Variants in DAB2IP observed in about 807,000 individuals in gnomAD.
DAB2IP encodes DAB2 interacting protein.
DAB2IP carries 28 observed loss-of-function variants against 107.2 expected under a neutral mutation model. The observed-to-expected ratio is 0.26, with a 90% confidence interval of 0.19 to 0.36. The LOEUF is 0.36. Among genes scored for constraint, DAB2IP ranks in the 10% least tolerant of loss-of-function variants. The probability of loss-of-function intolerance (pLI) is 1.00; values close to 1 mark genes in which losing one functional copy is unlikely to be tolerated. For missense variants in DAB2IP, 1,400 were observed against 1,644.7 expected, an observed-to-expected ratio of 0.85 and a Z score of 2.57; for synonymous variants, 755 against 706.4, an observed-to-expected ratio of 1.07 and a Z score of -1.09.
intron 1 of DAB2IP, among the ~76,000 whole-genome samples, chr9:121,636,690 C>T (rs1440050684): frequency 6.6e-6 from 1 of 152,170 alleles, no homozygotes. Flanking sequence ...TGTCTTCTGC[C>T]CAGATCCCCA....
At chr9:121,568,953 T>C (rs915473943) in intron 1 of DAB2IP, among the ~76,000 whole-genome samples, 2 of 152,176 alleles carry the variant, frequency 1.3e-5, no homozygotes, top group African/African-American at 4.8e-5. Flanking sequence ...GGCCGGTTGC[T>C]GATCTCCTGG....
chr9:121,660,506 C>T (rs888603518), intron 1 of DAB2IP, among the ~76,000 whole-genome samples: 21 of 152,034 alleles, frequency 1.4e-4, no homozygotes, highest in African/African-American at 4.8e-4. Context: ...TGAAGGAGGC[C>T]GGCAGGTGCA....
intron 3 of DAB2IP, among the ~76,000 whole-genome samples, chr9:121,739,633 A>G (rs1217163117): frequency 6.6e-6 from 1 of 152,102 alleles, no homozygotes. Flanking sequence ...GGCCAGGGAA[A>G]GGAAGGGCTC....
chr9:121,605,336 C>T (rs1397611928), intron 1 of DAB2IP, among the ~76,000 whole-genome samples: 1 of 152,038 alleles, frequency 6.6e-6, no homozygotes, highest in Admixed American at 6.6e-5. Context: ...TTGGATTGTT[C>T]TTGATCTGCT....
At chr9:121,600,925 C>T (rs75223893) in intron 1 of DAB2IP, among the ~76,000 whole-genome samples, 1 of 152,196 alleles carries the variant, frequency 6.6e-6, no homozygotes, top group African/African-American at 2.4e-5. Context: ...AGCCTGTGCC[C>T]TCTTGCTGTC....
rs749474202 is a variant in DAB2IP at position 121,774,246 on chromosome 9, G to A, written c.2968-14G>A. ...CACCTCCCTGCAGCCCCTCACAGCT[G>A]TGTTTCATTGTAGGGCCCTTCACCT... On this transcript the variant is annotated splice_polypyrimidine_tract_variant and intron_variant, in intron 12 of 15. Transcript: ENST00000408936. The A allele has an allele frequency of 1.3e-6, 2 of 1,599,852 alleles. No homozygotes were observed. Among genetic ancestry groups the A allele is most frequent in the South Asian group, 2.2e-5 (2 of 89,084 alleles).
In DAB2IP at chr9:121,776,507, G is replaced by T; in HGVS notation, c.3314+116G>T. On this transcript the variant is annotated intron_variant, in intron 14 of 15. Coordinates refer to ENST00000408936, the Ensembl canonical transcript of DAB2IP. The surrounding 1 kb of genome is among the most constrained non-coding windows in gnomAD (Gnocchi z 5.4). ...AAAGGATAAGCTGAATGTGGAGAGAGGAGGGAAGAGAGTGTCTGGGCAGTG... is the reference window on the plus strand; with the variant it reads ...AAAGGATAAGCTGAATGTGGAGAGATGAGGGAAGAGAGTGTCTGGGCAGTG... 8.3e-7 allele frequency: 1 copy of T among 1,203,496 alleles called. No homozygotes were observed. The highest frequency in any genetic ancestry group is 1.6e-5 in the South Asian group (1 of 62,294). The allele number at this position is 1,203,496 out of a possible 1,614,324, so 74.6% of individuals were successfully genotyped here.
At chr9:121,567,799 G>C (rs1324610738) in intron 1 of DAB2IP, among the ~76,000 whole-genome samples, 1 of 152,190 alleles carries the variant, frequency 6.6e-6, no homozygotes, top group Admixed American at 6.5e-5. Context: ...GTCTGGAAGA[G>C]GGATTTATAA....
intron 1 of DAB2IP, among the ~76,000 whole-genome samples, chr9:121,656,170 G>A (rs867137964): frequency 2.6e-5 from 4 of 152,070 alleles, no homozygotes; most frequent in South Asian, 2.1e-4. Context: ...CACCACACCC[G>A]GCTAATTTTG....
At chr9:121,581,727 G>A (rs892598618) in intron 1 of DAB2IP, among the ~76,000 whole-genome samples, 1 of 152,204 alleles carries the variant, frequency 6.6e-6, no homozygotes, top group East Asian at 1.9e-4. Context: ...GGGAGAGGCA[G>A]GAGAGGCTGT....
intron 2 of DAB2IP, 162 bp downstream of exon 2, chr9:121,678,943 T>C: frequency 7.9e-6 from 5 of 634,646 alleles, no homozygotes; most frequent in Non-Finnish European, 1.2e-5. Context: ...GCTGCTCCCA[T>C]CTCCGTGGCT....
chr9:121,648,515 A>G (rs1232146851), upstream of DAB2IP, among the ~76,000 whole-genome samples: 1 of 151,750 alleles, frequency 6.6e-6, no homozygotes, highest in African/African-American at 2.4e-5. Context: ...GAGGCTTTTG[A>G]GGGGAGGGTA....
chr9:121,706,708 G>T (rs1830075436), intron 3 of DAB2IP, among the ~76,000 whole-genome samples: 1 of 152,156 alleles, frequency 6.6e-6, no homozygotes, highest in South Asian at 2.1e-4. Flanking sequence ...CTCCCAGCTG[G>T]GGCATGCCTG....
At chr9:121,688,458 C>T (rs367986385) in intron 2 of DAB2IP, among the ~76,000 whole-genome samples, 2 of 152,174 alleles carry the variant, frequency 1.3e-5, no homozygotes, top group Admixed American at 6.5e-5. Context: ...TCCAGCTCCC[C>T]GGCCTGGCAT....
chr9:121,643,892 G>A (rs962044863), intron 1 of DAB2IP, among the ~76,000 whole-genome samples: 1 of 152,244 alleles, frequency 6.6e-6, no homozygotes, highest in Non-Finnish European at 1.5e-5. Context: ...CCAAGGCTAG[G>A]CATGGTGGCT....
At chr9:121,579,293 TTG>T (rs10602578) in intron 1 of DAB2IP, among the ~76,000 whole-genome samples, 1,914 of 152,160 alleles carry the variant, frequency 0.013, 33 homozygotes, top group African/African-American at 0.041. Flanking sequence ...TTATAATCAT[TTG>T]TGTTTGCCAT....
At chr9:121,680,237 G>T (rs1828514662) in intron 2 of DAB2IP, among the ~76,000 whole-genome samples, 1 of 152,190 alleles carries the variant, frequency 6.6e-6, no homozygotes, top group Non-Finnish European at 1.5e-5. Flanking sequence ...CAAAGGGATG[G>T]GGCTTTCCCC....
Position 121,651,866 on chromosome 9 carries a change from A to T in DAB2IP, c.91A>T (p.Ser31Cys), listed in dbSNP as rs1335412984. The T allele has an allele frequency of 1.4e-6, 2 of 1,448,430 alleles. No individual in the cohort carries two copies. The highest frequency in any genetic ancestry group is 1.8e-6 in the Non-Finnish European group (2 of 1,095,718). 89.7% of individuals were successfully genotyped at this position (1,448,430 alleles called of 1,614,324 possible). The change falls in exon 1 of 16, where the codon AGC (serine) becomes TGC (cysteine). Residue 31 changes from serine to cysteine, a missense_variant. Ser to Cys is a moderately radical substitution (Grantham distance 112, BLOSUM62 -1). This residue lies in a region of DAB2IP where 283 missense variants were observed against 237.0 expected (regional missense o/e 1.19). Coordinates refer to ENST00000408936, the Ensembl canonical transcript of DAB2IP. The surrounding 1 kb of genome is among the most constrained non-coding windows in gnomAD (Gnocchi z 5.1). ...GCGGCCCCGGCTGCAGCGACAGAGG[A>T]GCCGCTCCCGCAGCCGGACCCGGCC...
At chr9:121,623,839 C>A (rs912173636) in intron 1 of DAB2IP, among the ~76,000 whole-genome samples, 2 of 152,148 alleles carry the variant, frequency 1.3e-5, no homozygotes, top group Non-Finnish European at 2.9e-5. Flanking sequence ...AGGCACATGC[C>A]ACCATGCCTG....
Sources: allele counts gnomAD v4.1 joint callset (sites outside exome capture counted in the v4.1 genomes callset), GRCh38; gene constraint gnomAD v4.1.1; regional missense constraint gnomAD v4.1.1; non-coding constraint Gnocchi (gnomAD v3.1); transcripts MANE v1.5; gene names NCBI Gene and HGNC (gene_info 2026-07-23, HGNC 2026-07-21).